Variants in TBX15 observed in about 807,000 individuals in gnomAD.
TBX15 encodes the protein T-box transcription factor 15.
In TBX15, 18 loss-of-function variants were observed where a neutral mutation model predicts 53.9. The ratio of observed to expected loss-of-function variants is 0.33; its 90% CI spans 0.23 to 0.49. The LOEUF (loss-of-function observed/expected upper bound fraction) is 0.49. Among genes scored for constraint, TBX15 ranks in the 20% least tolerant of loss-of-function variants. TBX15 has a pLI of 0.98. For missense variants in TBX15, 692 were observed against 749.5 expected (o/e 0.92, Z 0.90); for synonymous variants, 295 against 278.0 (o/e 1.06, Z -0.61).
intron 1 of TBX15, among the ~76,000 whole-genome samples, chr1:118,955,988 G>T (rs1270006845): frequency 6.6e-6 from 1 of 152,154 alleles, no homozygotes; most frequent in Non-Finnish European, 1.5e-5. Context: ...TCTCCTTGAA[G>T]ATCTCTAATT....
intron 1 of TBX15, among the ~76,000 whole-genome samples, chr1:118,949,161 A>G (rs1409156): frequency 0.3 from 46,172 of 151,928 alleles, 8,472 homozygotes; most frequent in East Asian, 0.57. Context: ...CACAGGAGTC[A>G]GGAATAGCAG....
intron 1 of TBX15, among the ~76,000 whole-genome samples, chr1:118,946,498 A>C (rs1031708136): frequency 6.6e-6 from 1 of 152,228 alleles, no homozygotes; most frequent in Non-Finnish European, 1.5e-5. Context: ...CAAGTGTAAT[A>C]AACATCCATC....
chr1:118,899,520 C>A (rs1571156296), intron 6 of TBX15, among the ~76,000 whole-genome samples: 1 of 152,138 alleles, frequency 6.6e-6, no homozygotes, highest in African/African-American at 2.4e-5. Context: ...TACCACACTG[C>A]ACTGACACAG....
chr1:118,950,486 A>C (rs752625895), intron 1 of TBX15, among the ~76,000 whole-genome samples: 1 of 152,218 alleles, frequency 6.6e-6, no homozygotes, highest in Non-Finnish European at 1.5e-5. Flanking sequence ...TTAAATGAGG[A>C]CAAGAGCCAT....
At chr1:118,974,978 C>T (rs1657376972) in intron 1 of TBX15, among the ~76,000 whole-genome samples, 1 of 152,204 alleles carries the variant, frequency 6.6e-6, no homozygotes, top group African/African-American at 2.4e-5. Flanking sequence ...AATTGCCCGT[C>T]ATTGCAACTG....
chr1:118,959,299 A>G (rs779838287), intron 1 of TBX15, among the ~76,000 whole-genome samples: 16 of 152,184 alleles, frequency 1.1e-4, no homozygotes, highest in Non-Finnish European at 1.8e-4. Flanking sequence ...GCGAATAAGA[A>G]TATGTATTTA....
intron 1 of TBX15, among the ~76,000 whole-genome samples, chr1:118,978,315 C>T (rs1657506631): frequency 6.6e-6 from 1 of 152,106 alleles, no homozygotes; most frequent in African/African-American, 2.4e-5. Flanking sequence ...TTCCTTCGTT[C>T]CAACAAAGTA....
chr1:118,888,468 T>A (rs1366420364), intron 7 of TBX15, among the ~76,000 whole-genome samples: 2 of 152,230 alleles, frequency 1.3e-5, no homozygotes, highest in Admixed American at 1.3e-4. Context: ...TACAGCTGAA[T>A]GGCCAGGCCT....
rs1460891590 is a variant in TBX15, at chr1:118,884,495, T to G, written c.*237A>C. ...TGGAACAGACAATGCTTTATAAAACTAAGGTCTGGGAAGGCAGAAGAATGG... is the reference window on the plus strand; with the variant it reads ...TGGAACAGACAATGCTTTATAAAACGAAGGTCTGGGAAGGCAGAAGAATGG... On this transcript the variant is annotated 3_prime_UTR_variant, in exon 8 of 8. Coordinates refer to ENST00000369429, the MANE Select transcript of TBX15 (RefSeq NM_001330677.2). 3.5e-6 allele frequency: 2 copies of G among 568,396 alleles called. No homozygotes were observed. Among genetic ancestry groups the G allele is most frequent in the East Asian group, 6.1e-5 (2 of 32,570 alleles). The allele number at this position is 568,396 out of a possible 1,614,324, so 35.2% of individuals were successfully genotyped here. A position where few individuals can be genotyped will look rare whatever the true frequency, so the allele number is the denominator to read the frequency against.
chr1:118,899,204 A>G, intron 6 of TBX15, 79 bp from the exon 7 acceptor site: 2 of 1,280,464 alleles, frequency 1.6e-6, no homozygotes, highest in Non-Finnish European at 2.2e-6. Flanking sequence ...CCAGAGGTGG[A>G]CTGTCAAACA....
chr1:118,907,157 G>A (rs1229909448), intron 6 of TBX15, among the ~76,000 whole-genome samples: 1 of 152,140 alleles, frequency 6.6e-6, no homozygotes, highest in South Asian at 2.1e-4. Flanking sequence ...TGGCTTTGGG[G>A]TGCCATACCA....
chr1:118,899,555 C>G (rs1249254655), intron 6 of TBX15, among the ~76,000 whole-genome samples: 1 of 152,132 alleles, frequency 6.6e-6, no homozygotes, highest in Non-Finnish European at 1.5e-5. Flanking sequence ...AACTCCTCAC[C>G]TTGGGTATGT....
intron 2 of TBX15, among the ~76,000 whole-genome samples, chr1:118,927,065 T>C (rs568976686): frequency 5.4e-4 from 83 of 152,302 alleles, no homozygotes; most frequent in African/African-American, 1.8e-3. Flanking sequence ...CATATCAAAT[T>C]CTAATGTCCT....
chr1:118,953,917 C>T (rs754509000), intron 1 of TBX15, among the ~76,000 whole-genome samples: 2 of 152,128 alleles, frequency 1.3e-5, no homozygotes, highest in Admixed American at 6.5e-5. Flanking sequence ...TTGTGAGCTA[C>T]CTATAGTGTC....
chr1:118,922,834 T>A (rs61806202), intron 5 of TBX15, among the ~76,000 whole-genome samples: 19,543 of 152,202 alleles, frequency 0.13, 1,784 homozygotes, highest in Non-Finnish European at 0.18. Context: ...TCTCTGTAAC[T>A]GATCTCAATG....
At chr1:118,977,153 A>C (rs1381658593) in intron 1 of TBX15, among the ~76,000 whole-genome samples, 1 of 152,246 alleles carries the variant, frequency 6.6e-6, no homozygotes. Flanking sequence ...GCTCAGACAC[A>C]TGAAGTCTGA....
In TBX15 at chr1:118,885,247, T is replaced by C. The variant is rs746917887; in HGVS notation, c.1294A>G (p.Thr432Ala). 6.2e-7 allele frequency: 1 copy of C among 1,614,124 alleles called. No individual in the cohort carries two copies. The highest frequency in any genetic ancestry group is 2.2e-5 in the East Asian group (1 of 44,858). The change falls in exon 8 of 8, where the codon ACT (threonine) becomes GCT (alanine). Residue 432 changes from threonine to alanine, a missense_variant. Thr to Ala is a moderately conservative substitution (Grantham distance 58). Transcript: ENST00000369429. ...NRLQSGTTSA[T>A]QPSETFMPQR... ...GGCATGAAGGTTTCAGAGGGCTGAG[T>C]GGCTGAAGTGGTGCCACTCTGAAGC...
intron 1 of TBX15, among the ~76,000 whole-genome samples, chr1:118,964,986 C>T (rs1261498841): frequency 6.6e-6 from 1 of 152,232 alleles, no homozygotes; most frequent in Non-Finnish European, 1.5e-5. Flanking sequence ...GGTTGCCCTG[C>T]CGTTCTTTGA....
chr1:118,936,594 T>C (rs890768758), intron 1 of TBX15, among the ~76,000 whole-genome samples: 2 of 152,216 alleles, frequency 1.3e-5, no homozygotes, highest in African/African-American at 4.8e-5. Flanking sequence ...GTAATGGTTC[T>C]ATTGATAATA....
Sources: gnomAD v4.1 joint callset for allele counts (sites outside exome capture counted in the v4.1 genomes callset) on GRCh38, gnomAD v4.1.1 for gene constraint, MANE v1.5 for transcripts, NCBI Gene and HGNC (gene_info 2026-07-23, HGNC 2026-07-21) for gene names.